STRN3: variants seen among roughly 807,000 people sequenced by gnomAD.
STRN3 encodes the protein striatin-3.
In STRN3, 29 loss-of-function variants were observed where a neutral mutation model predicts 95.6. The observed-to-expected ratio is 0.30, with a 90% CI of 0.23 to 0.41. The LOEUF (loss-of-function observed/expected upper bound fraction) is 0.41, where lower values mean the gene tolerates loss of function less well. Ranked by LOEUF, STRN3 falls within the 10% of genes least tolerant of loss-of-function variation. The pLI is 1.00. For synonymous variants in STRN3, 331 were observed against 357.6 expected, an observed-to-expected ratio of 0.93 and a Z score of 0.84; for missense variants, 890 against 972.1, an observed-to-expected ratio of 0.92 and a Z score of 1.12.
intron 16 of STRN3, among the ~76,000 whole-genome samples, chr14:30,902,171 C>CAAAAAAAAAAAA (rs71112350): frequency 7.5e-5 from 3 of 39,850 alleles, no homozygotes; most frequent in Admixed American, 5.0e-4. Flanking sequence ...AACTCCGCCT[C>CAAAAAAAAAAAA]AAAAAAAAAA....
chr14:31,020,032 T>C (rs1883430926), intron 1 of STRN3, among the ~76,000 whole-genome samples: 1 of 152,008 alleles, frequency 6.6e-6, no homozygotes, highest in East Asian at 1.9e-4. Flanking sequence ...CAGTTCACAG[T>C]TTAAATGAAG....
chr14:30,956,019 T>C (rs1326718389), intron 2 of STRN3, 120 bp downstream of exon 2: 3 of 724,014 alleles, frequency 4.1e-6, no homozygotes, highest in Admixed American at 3.0e-5. Flanking sequence ...CAAGACAGCA[T>C]CATGTATTCG....
intron 1 of STRN3, among the ~76,000 whole-genome samples, chr14:30,987,256 C>T (rs2139247025): frequency 6.6e-6 from 1 of 152,232 alleles, no homozygotes; most frequent in East Asian, 1.9e-4. Context: ...GCCTGTAATC[C>T]CAGCACTTTG....
chr14:30,957,251 G>T (rs186141676), intron 1 of STRN3, among the ~76,000 whole-genome samples: 2 of 152,008 alleles, frequency 1.3e-5, no homozygotes. Context: ...TCAGGAGATC[G>T]AGACCATCCT....
Position 30,912,008 on chromosome 14 carries a change from T to G in STRN3, c.1549A>C (p.Lys517Gln), listed in dbSNP as rs1331563364. The G allele has an allele frequency of 1.8e-5, 29 of 1,606,640 alleles. No individual in the cohort carries two copies. Among genetic ancestry groups the G allele is most frequent in the Non-Finnish European group, 2.5e-5 (29 of 1,178,228 alleles). ...CCAGGCTAACACTAAAATACTTGCT[T>G]TTTGGCAGGAACTGTTTTTTGCAGG... ...WNLQKTVPAK[K>Q]SASLDVEPIY... Residue 517 changes from lysine (K) to glutamine (Q), a missense_variant and splice_region_variant, in exon 11 of 18, where the codon AAG becomes CAG. By Grantham distance (53) the Lys-to-Gln change is moderately conservative. This residue lies in a region of STRN3 where 357 missense variants were observed against 422.8 expected (regional missense o/e 0.84). Transcript: ENST00000357479.
At chr14:30,969,859 T>C (rs1030750766) in intron 1 of STRN3, among the ~76,000 whole-genome samples, 2 of 151,932 alleles carry the variant, frequency 1.3e-5, no homozygotes, top group African/African-American at 4.8e-5. Context: ...AAGATCACCT[T>C]CTCATCAAAG....
At position 30,918,885 on chromosome 14, in the gene STRN3, C is replaced by T. The variant is rs1281914522; in HGVS notation, c.1240+81G>A. On this transcript the variant is annotated intron_variant, in intron 9 of 17. Coordinates refer to ENST00000357479, the MANE Select transcript of STRN3 (RefSeq NM_001083893.2). ...TAAAATGATCATCAGCATTTTATAACAGTAGCCTAGTTGCATTAAGATGTG... is the reference window on the plus strand; with the variant it reads ...TAAAATGATCATCAGCATTTTATAATAGTAGCCTAGTTGCATTAAGATGTG... 6.0e-6 allele frequency: 8 copies of T among 1,325,884 alleles called. No individual in the cohort carries two copies. In the African/African-American group the frequency reaches 1.0e-4, roughly 17 times the overall value. The allele number at this position is 1,325,884 out of a possible 1,614,324, so 82.1% of individuals were successfully genotyped here. A position where few individuals can be genotyped will look rare whatever the true frequency, so the allele number is the denominator to read the frequency against.
At chr14:30,999,961 C>T (rs1293475404) in intron 1 of STRN3, among the ~76,000 whole-genome samples, 2 of 152,154 alleles carry the variant, frequency 1.3e-5, no homozygotes, top group Non-Finnish European at 2.9e-5. Context: ...GCTGACTTTT[C>T]ATCAGAAAAC....
intron 1 of STRN3, among the ~76,000 whole-genome samples, chr14:30,987,167 G>A (rs921953218): frequency 2.0e-5 from 3 of 152,062 alleles, no homozygotes; most frequent in Non-Finnish European, 2.9e-5. Flanking sequence ...CCAAAGAAAG[G>A]GCAAGAGTAA....
At chr14:30,933,299 A>AC (rs1566443575) in intron 7 of STRN3, among the ~76,000 whole-genome samples, 1 of 150,552 alleles carries the variant, frequency 6.6e-6, no homozygotes, top group African/African-American at 2.4e-5. Context: ...AAAAAAAAAA[A>AC]AAAAAACGAT....
Position 30,929,152 on chromosome 14 carries a change from T to A in STRN3, c.1099+49A>T, listed in dbSNP as rs781632406. On this transcript the variant is annotated intron_variant, in intron 8 of 17. Coordinates refer to ENST00000357479, the MANE Select transcript of STRN3 (RefSeq NM_001083893.2). ...AAGAAACAGAATTGAAGAACTTTTT[T>A]CTCAATTATTGGTATACAAAAATTA... is the stretch of plus-strand genomic sequence containing the variant. 1.4e-5 allele frequency: 20 copies of A among 1,461,432 alleles called. No homozygotes were observed. In the African/African-American group the frequency reaches 2.6e-4, roughly 19 times the overall value. 90.5% of individuals were successfully genotyped at this position (1,461,432 alleles called of 1,614,324 possible).
At chr14:30,959,065 A>C (rs1336532073) in intron 1 of STRN3, among the ~76,000 whole-genome samples, 1 of 152,216 alleles carries the variant, frequency 6.6e-6, no homozygotes, top group African/African-American at 2.4e-5. Flanking sequence ...GGTGGCTCAC[A>C]CCTGTAATCC....
chr14:30,902,983 A>C (rs992853984), intron 15 of STRN3, among the ~76,000 whole-genome samples: 1 of 152,162 alleles, frequency 6.6e-6, no homozygotes, highest in Non-Finnish European at 1.5e-5. Context: ...CATTTAAAGA[A>C]GGAAAACATT....
intron 1 of STRN3, among the ~76,000 whole-genome samples, chr14:31,024,372 G>C (rs971353668): frequency 6.6e-6 from 1 of 152,188 alleles, no homozygotes; most frequent in Non-Finnish European, 1.5e-5. Context: ...GTATGTAGTA[G>C]AAAGCTGTAT....
intron 1 of STRN3, among the ~76,000 whole-genome samples, chr14:31,014,289 C>G (rs1190637720): frequency 6.6e-6 from 1 of 152,092 alleles, no homozygotes; most frequent in South Asian, 2.1e-4. Context: ...GACGTGATCT[C>G]GGCCCACTGC....
At chr14:30,929,966 A>AAAAAAAAAAAAAAAAAAAAAAAAAC (rs1555317368) in intron 7 of STRN3, among the ~76,000 whole-genome samples, 2 of 108,282 alleles carry the variant, frequency 1.8e-5, no homozygotes, top group Non-Finnish European at 3.6e-5. Context: ...AAAAAAAAAA[A>AAAAAAAAAAAAAAAAAAAAAAAAAC]AAAAAAAAAA....
At chr14:30,956,535 T>C (rs1243082448) in intron 1 of STRN3, among the ~76,000 whole-genome samples, 1 of 152,110 alleles carries the variant, frequency 6.6e-6, no homozygotes, top group Non-Finnish European at 1.5e-5. Context: ...GTGCCCATAG[T>C]CCTAGCTACT....
rs184094319 is a variant in STRN3 at position 30,935,142 on chromosome 14, G to A, written c.988+21C>T. 1,509 of 1,609,744 alleles carry A rather than the reference G, an allele frequency of 9.4e-4. 6 individuals carry two copies. The highest frequency in any genetic ancestry group is 7.0e-3 in the Middle Eastern group (42 of 6,026). ...TTAAGGGCTAGATTTCCTCCCACCC[G>A]GTATTTCTTTATCACCTTACCCCAT... On this transcript the variant is annotated intron_variant, in intron 7 of 17. Coordinates refer to ENST00000357479, the MANE Select transcript of STRN3 (RefSeq NM_001083893.2).
In STRN3 at chr14:30,910,316, C is replaced by T. The variant is rs561952710; in HGVS notation, c.1720+725G>A. On this transcript the variant is annotated intron_variant, in intron 13 of 17. Transcript: ENST00000357479. Reference sequence around the variant, plus strand: ...TTTGTAACCATAGATCCCATCCCTTCGCTTATCTGTTTTATGTCTCTACTT... The same window carrying T: ...TTTGTAACCATAGATCCCATCCCTTTGCTTATCTGTTTTATGTCTCTACTT... 4.6e-5 allele frequency among the ~76,000 whole-genome samples: 7 copies of T among 152,302 alleles called. No homozygotes were observed. The South Asian group carries it at 1.2e-3, about 27-fold the overall frequency.
Sources: allele counts gnomAD v4.1 joint callset (sites outside exome capture counted in the v4.1 genomes callset), GRCh38; gene constraint gnomAD v4.1.1; regional missense constraint gnomAD v4.1.1; transcripts MANE v1.5; gene names NCBI Gene and HGNC (gene_info 2026-07-23, HGNC 2026-07-21).